Variants in USP31 observed in about 807,000 individuals in gnomAD.
USP31 encodes ubiquitin specific peptidase 31, also known as ubiquitin carboxyl-terminal hydrolase 31.
A neutral mutation model predicts 119.4 loss-of-function variants in USP31; 44 were observed. That is an observed-to-expected ratio of 0.37 (90% CI 0.29 to 0.47). The LOEUF is 0.47. Among genes scored for constraint, USP31 ranks in the 20% least tolerant of loss-of-function variants. The pLI, the probability that USP31 is intolerant of heterozygous loss-of-function variation, is 0.99. For synonymous variants in USP31, 749 were observed against 705.6 expected (o/e 1.06, Z -0.97); for missense variants, 1,643 against 1,730.2 (o/e 0.95, Z 0.89).
At chr16:23,072,764 C>T (rs900697353) in intron 14 of USP31, among the ~76,000 whole-genome samples, 1 of 152,104 alleles carries the variant, frequency 6.6e-6, no homozygotes, top group African/African-American at 2.4e-5. Context: ...GCTCTTGAAA[C>T]AGAGTACATG....
chr16:23,063,833 CA>C lies in USP31; in HGVS notation c.*4212del, dbSNP rs960223008. The C allele has an allele frequency of 7.2e-5, 11 of 151,934 alleles. No homozygotes were observed. The highest frequency in any genetic ancestry group is 1.0e-4 in the Non-Finnish European group (7 of 67,988). The allele number at this position is 151,934 out of a possible 1,614,324, so 9.4% of individuals were successfully genotyped here. On this transcript the variant is annotated 3_prime_UTR_variant, in exon 16 of 16. Coordinates refer to ENST00000219689, the MANE Select transcript of USP31 (RefSeq NM_020718.4). Reference sequence around the variant, plus strand: ...TTCTGAGTTATATGGAGGCCACGCACAATTGTTTTTACTTGGGGAAAAAAAT... The same window carrying C: ...TTCTGAGTTATATGGAGGCCACGCACATTGTTTTTACTTGGGGAAAAAAAT...
At chr16:23,138,830 T>A (rs760219486) in intron 1 of USP31, among the ~76,000 whole-genome samples, 1 of 152,146 alleles carries the variant, frequency 6.6e-6, no homozygotes, top group Non-Finnish European at 1.5e-5. Flanking sequence ...TATTGTTTCT[T>A]CAGTCACCTC....
chr16:23,124,366 A>G (rs1453544699), intron 1 of USP31, among the ~76,000 whole-genome samples: 1 of 152,218 alleles, frequency 6.6e-6, no homozygotes, highest in Non-Finnish European at 1.5e-5. Context: ...TGATGTTCAA[A>G]TAAGTAGTTA....
intron 1 of USP31, among the ~76,000 whole-genome samples, chr16:23,137,108 G>A (rs1903217158): frequency 6.6e-6 from 1 of 152,098 alleles, no homozygotes; most frequent in African/African-American, 2.4e-5. Flanking sequence ...GCTACTCAGG[G>A]GAACTGAAGC....
chr16:23,112,808 C>T (rs1383180493), intron 1 of USP31, among the ~76,000 whole-genome samples: 1 of 151,876 alleles, frequency 6.6e-6, no homozygotes, highest in Non-Finnish European at 1.5e-5. Flanking sequence ...GTGGGCGGAT[C>T]ACCTGAGGTC....
At position 23,102,358 on chromosome 16, in the gene USP31, G is replaced by C; in HGVS notation, c.1195C>G (p.Pro399Ala). The C allele has an allele frequency of 6.2e-7, 1 of 1,613,500 alleles. No individual in the cohort carries two copies. Among genetic ancestry groups the C allele is most frequent in the Non-Finnish European group, 8.5e-7 (1 of 1,179,794 alleles). Residue 399 changes from proline to alanine, a missense_variant, in exon 6 of 16, where the codon CCC becomes GCC. By Grantham distance (27) the Pro-to-Ala change is conservative. Transcript: ENST00000219689. ...ESDCIFAFETPEIFRPEGILS... is the reference protein window; with the variant it reads ...ESDCIFAFETAEIFRPEGILS... ...ATTCCTTCAGGCCTAAATATTTCGG[G>C]AGTCTCAAAGGCAAAAATGCAGTCG...
At chr16:23,079,826 C>T in intron 13 of USP31, 120 bp downstream of exon 13, 1 of 905,694 alleles carries the variant, frequency 1.1e-6, no homozygotes, top group Non-Finnish European at 1.6e-6. Flanking sequence ...AAACTGCCCT[C>T]ACAGTTGGCA....
intron 1 of USP31, among the ~76,000 whole-genome samples, chr16:23,136,668 A>G (rs976652714): frequency 6.6e-6 from 1 of 152,036 alleles, no homozygotes. Context: ...AAAAAAAAAA[A>G]ACTTTTGTGC....
intron 1 of USP31, among the ~76,000 whole-genome samples, 176 bp downstream of exon 1, chr16:23,148,462 A>T (rs1903594662): frequency 6.6e-6 from 1 of 152,256 alleles, no homozygotes; most frequent in Non-Finnish European, 1.5e-5. Context: ...TGAGTGAGTG[A>T]ATAAATGAAT....
chr16:23,090,617 T>C lies in USP31; in HGVS notation c.1415+7A>G. The stretch of plus-strand genomic sequence containing the variant: ...AGGTACTTACTGGAAAATAATCTGG[T>C]TCTCACCTTTTCCCTTGTTGCCCAG... On this transcript the variant is annotated splice_region_variant and intron_variant, in intron 7 of 15. Coordinates refer to ENST00000219689, the MANE Select transcript of USP31 (RefSeq NM_020718.4). 6.2e-7 allele frequency: 1 copy of C among 1,600,968 alleles called. No homozygotes were observed. Among genetic ancestry groups the C allele is most frequent in the African/African-American group, 1.3e-5 (1 of 74,862 alleles).
rs1277150265 is a variant in USP31, at chr16:23,068,876, C to T, written c.3229G>A (p.Ala1077Thr). ...SLKPSRSRSK[A>T]DSSSRGSGRH... ...CCACTGCCCCTGGAAGAAGAATCTG[C>T]TTTGCTGCGGGAGCGGGAGGGCTTT... Residue 1077 changes from alanine to threonine, a missense_variant, in exon 16 of 16, where the codon GCA becomes ACA. Physicochemically the swap from Ala to Thr is moderately conservative, Grantham distance 58 (BLOSUM62 0). Transcript: ENST00000219689. 7 of 1,591,514 alleles carry T rather than the reference C, an allele frequency of 4.4e-6. No individual in the cohort carries two copies. The highest frequency in any genetic ancestry group is 2.3e-5 in the South Asian group (2 of 86,250).
At chr16:23,070,974 T>C (rs556070637) in intron 15 of USP31, among the ~76,000 whole-genome samples, 10 of 152,282 alleles carry the variant, frequency 6.6e-5, no homozygotes, top group African/African-American at 2.2e-4. Context: ...CAAACCTTAT[T>C]GAGGCTTATC....
intron 1 of USP31, among the ~76,000 whole-genome samples, chr16:23,108,860 T>C (rs1902212379): frequency 6.6e-6 from 1 of 152,220 alleles, no homozygotes; most frequent in Non-Finnish European, 1.5e-5. Context: ...ACATTGCTTT[T>C]GCTAAAATGC....
At chr16:23,094,584 C>T (rs1200355408) in intron 6 of USP31, among the ~76,000 whole-genome samples, 1 of 152,204 alleles carries the variant, frequency 6.6e-6, no homozygotes, top group Non-Finnish European at 1.5e-5. Flanking sequence ...AACTGGGAGA[C>T]ACCTCCCAGT....
chr16:23,068,552 G>C lies in USP31; in HGVS notation c.3553C>G (p.Arg1185Gly), dbSNP rs774678428. 1.2e-6 allele frequency: 2 copies of C among 1,614,038 alleles called. No individual in the cohort carries two copies. The highest frequency in any genetic ancestry group is 1.7e-6 in the Non-Finnish European group (2 of 1,180,000). ...CCGGCCCCCCTGCCCTCCCCTGCTC[G>C]GGCCTGGCTCACCCGAGGGGAATTG... ...KPNSPRVSQA[R>G]AGEGRGAGKH... The change falls in exon 16 of 16, where the codon CGA (arginine) becomes GGA (glycine). Residue 1185 changes from arginine (R) to glycine (G), a missense_variant. Coordinates refer to ENST00000219689, the MANE Select transcript of USP31 (RefSeq NM_020718.4).
intron 1 of USP31, among the ~76,000 whole-genome samples, chr16:23,145,446 C>T (rs1903477566): frequency 6.6e-6 from 1 of 152,206 alleles, no homozygotes; most frequent in Non-Finnish European, 1.5e-5. Flanking sequence ...CTTTACTCAT[C>T]TCCTCTGTGA....
chr16:23,097,824 A>T (rs1172414872), intron 6 of USP31, among the ~76,000 whole-genome samples: 1 of 152,238 alleles, frequency 6.6e-6, no homozygotes, highest in Non-Finnish European at 1.5e-5. Context: ...AACGTGTATC[A>T]AAATAATAAG....
chr16:23,090,604 G>C lies in USP31; in HGVS notation c.1415+20C>G. On this transcript the variant is annotated intron_variant, in intron 7 of 15. Transcript: ENST00000219689. ...ACTGTTACAGTCTAGGTACTTACTG[G>C]AAAATAATCTGGTTCTCACCTTTTC... 6.3e-7 allele frequency: 1 copy of C among 1,581,020 alleles called. No individual in the cohort carries two copies. Among genetic ancestry groups the C allele is most frequent in the African/African-American group, 1.3e-5 (1 of 74,540 alleles).
intron 14 of USP31, 45 bp downstream of exon 14, chr16:23,073,677 C>G: frequency 6.2e-7 from 1 of 1,600,352 alleles, no homozygotes; most frequent in East Asian, 2.2e-5. Flanking sequence ...TCATTACAAT[C>G]TTTTGCTCTG....
Sources: allele counts gnomAD v4.1 joint callset (sites outside exome capture counted in the v4.1 genomes callset), GRCh38; gene constraint gnomAD v4.1.1; transcripts MANE v1.5; gene names NCBI Gene and HGNC (gene_info 2026-07-23, HGNC 2026-07-21).